CCDC141: variants seen among roughly 807,000 people sequenced by gnomAD.
CCDC141 encodes the protein coiled-coil domain containing 141, also known as coiled-coil domain-containing protein 141.
CCDC141 carries 168 observed loss-of-function variants against 181.0 expected under a neutral mutation model. That is an observed-to-expected ratio of 0.93 (90% CI 0.82 to 1.05). The LOEUF (loss-of-function observed/expected upper bound fraction) is 1.05, where lower values mean the gene tolerates loss of function less well. CCDC141 is among the 50% of genes least tolerant of loss of function. The probability of loss-of-function intolerance (pLI) is 0.00; values close to 1 mark genes in which losing one functional copy is unlikely to be tolerated. For synonymous variants in CCDC141, 666 were observed against 642.3 expected (o/e 1.04, Z -0.56); for missense variants, 1,902 against 1,788.5 (o/e 1.06, Z -1.14).
At chr2:178,835,355 C>T (rs891841459) in intron 23 of CCDC141, among the ~76,000 whole-genome samples, 27 of 152,150 alleles carry the variant, frequency 1.8e-4, no homozygotes, top group Non-Finnish European at 3.7e-4. Flanking sequence ...TGTATTATGA[C>T]TATTAATAAC....
intron 5 of CCDC141, among the ~76,000 whole-genome samples, chr2:178,953,211 C>T (rs1478858906): frequency 6.6e-6 from 1 of 152,020 alleles, no homozygotes; most frequent in Non-Finnish European, 1.5e-5. Flanking sequence ...CCGAGGCAGG[C>T]GGATCACAAT....
chr2:178,817,989 G>T, the CCDC141 span, among the ~76,000 whole-genome samples: 1 of 152,116 alleles, frequency 6.6e-6, no homozygotes, highest in South Asian at 2.1e-4. Flanking sequence ...TTTTAGTAGA[G>T]ACGAGATTTC....
chr2:178,897,774 T>C (rs1235157561), intron 8 of CCDC141, among the ~76,000 whole-genome samples: 1 of 152,208 alleles, frequency 6.6e-6, no homozygotes, highest in Non-Finnish European at 1.5e-5. Context: ...TTTTGAGCTC[T>C]GAATTGGTAA....
chr2:179,011,808 G>A (rs538755148), intron 2 of CCDC141, among the ~76,000 whole-genome samples: 5 of 152,014 alleles, frequency 3.3e-5, no homozygotes, highest in Admixed American at 6.6e-5. Context: ...ACTGGAAATC[G>A]ACTCCAAAAG....
At chr2:178,926,303 T>C (rs545382557) in intron 6 of CCDC141, among the ~76,000 whole-genome samples, 2 of 152,314 alleles carry the variant, frequency 1.3e-5, no homozygotes, top group East Asian at 3.9e-4. Context: ...AATTGATATA[T>C]AATTATACCA....
intron 2 of CCDC141, among the ~76,000 whole-genome samples, chr2:179,015,190 T>G: frequency 1.5e-5 from 1 of 65,330 alleles, no homozygotes; most frequent in Non-Finnish European, 3.3e-5. Context: ...ATACATCTCA[T>G]CTCATAAATA....
chr2:178,961,417 A>C lies in CCDC141; in HGVS notation c.593T>G (p.Phe198Cys). Reference sequence around the variant, plus strand: ...ATTCACATTAGGTCCTTCACACTTGAATTTTTCTATGAAGTCAGTGAGTTG... The same window carrying C: ...ATTCACATTAGGTCCTTCACACTTGCATTTTTCTATGAAGTCAGTGAGTTG... ...SQQLTDFIEKFKCEGPNVNPE... is the reference protein window; with the variant it reads ...SQQLTDFIEKCKCEGPNVNPE... The change falls in exon 5 of 24, where the codon TTC becomes TGC. Residue 198 changes from phenylalanine (F) to cysteine (C), a missense_variant. Coordinates refer to ENST00000443758, the MANE Select transcript of CCDC141 (RefSeq NM_173648.4). The C allele has an allele frequency of 6.4e-7, 1 of 1,550,502 alleles. No homozygotes were observed. The highest frequency in any genetic ancestry group is 8.7e-7 in the Non-Finnish European group (1 of 1,146,914).
Position 179,047,395 on chromosome 2 carries a change from C to G in CCDC141, c.114G>C (p.Trp38Cys), listed in dbSNP as rs868402123. Residue 38 changes from tryptophan (W) to cysteine (C), a missense_variant, in exon 2 of 24, where the codon TGG becomes TGC. Trp to Cys is a radical substitution (Grantham distance 215). Transcript: ENST00000443758. ...IVIAVIKCGKWVQLQLAESQP... is the reference protein window; with the variant it reads ...IVIAVIKCGKCVQLQLAESQP... ...GTGATTCAGCCAGTTGAAGTTGTAC[C>G]CATTTGCCACACTAAAAATAAAAAT... 3 of 1,509,208 alleles carry G rather than the reference C, an allele frequency of 2.0e-6. No individual in the cohort carries two copies. The Admixed American group carries it at 7.4e-5, about 37-fold the overall frequency. 93.5% of individuals were successfully genotyped at this position (1,509,208 alleles called of 1,614,324 possible).
At chr2:178,961,753 T>C (rs1184696891) in intron 4 of CCDC141, among the ~76,000 whole-genome samples, 1 of 152,060 alleles carries the variant, frequency 6.6e-6, no homozygotes, top group Non-Finnish European at 1.5e-5. Flanking sequence ...GGACAGGGAG[T>C]AGAATGAGCG....
At position 178,850,180 on chromosome 2, in the gene CCDC141, A is replaced by T. The variant is rs1370213209; in HGVS notation, c.3245-19T>A. On this transcript the variant is annotated intron_variant, in intron 20 of 23. Coordinates refer to ENST00000443758, the MANE Select transcript of CCDC141 (RefSeq NM_173648.4). The stretch of plus-strand genomic sequence containing the variant: ...TCCAAACCTGGGGAGGAGAAGGATG[A>T]AACTAGTTTTAAAGGTCAAATTTTT... The T allele has an allele frequency of 7.2e-7, 1 of 1,392,608 alleles. No homozygotes were observed. 86.3% of individuals were successfully genotyped at this position (1,392,608 alleles called of 1,614,324 possible). A position where few individuals can be genotyped will look rare whatever the true frequency, so the allele number is the denominator to read the frequency against.
chr2:178,890,543 C>G (rs191100602), intron 8 of CCDC141, among the ~76,000 whole-genome samples: 1,795 of 152,246 alleles, frequency 0.012, 14 homozygotes, highest in Middle Eastern at 0.024. Context: ...TAGCCAGCTT[C>G]TTGCAGTTAT....
downstream of CCDC141, among the ~76,000 whole-genome samples, chr2:178,827,073 C>T (rs938456012): frequency 6.6e-6 from 1 of 152,032 alleles, no homozygotes; most frequent in African/African-American, 2.4e-5. Flanking sequence ...TCATATTTTT[C>T]AAAATATCTA....
chr2:178,904,158 A>G (rs905732465), intron 8 of CCDC141, among the ~76,000 whole-genome samples: 2 of 152,202 alleles, frequency 1.3e-5, no homozygotes, highest in Non-Finnish European at 2.9e-5. Flanking sequence ...CACCCCTATT[A>G]CCTAATGCAC....
chr2:179,045,433 T>C (rs1342953415), intron 2 of CCDC141, among the ~76,000 whole-genome samples: 2 of 151,952 alleles, frequency 1.3e-5, no homozygotes, highest in Non-Finnish European at 2.9e-5. Context: ...TTGGGTTGGC[T>C]CCAAGTCTTT....
intron 1 of CCDC141, 107 bp downstream of exon 1, chr2:179,049,733 G>T (rs1575392673): frequency 5.7e-6 from 7 of 1,223,292 alleles, no homozygotes; most frequent in East Asian, 2.6e-5. Context: ...TTGCTGCGTT[G>T]TCTTCTCTAT....
chr2:178,899,054 CT>C (rs760747462), intron 8 of CCDC141, among the ~76,000 whole-genome samples: 2 of 152,134 alleles, frequency 1.3e-5, no homozygotes, highest in Non-Finnish European at 2.9e-5. Context: ...CAGTTATACA[CT>C]GTATAACATT....
intron 2 of CCDC141, among the ~76,000 whole-genome samples, chr2:179,015,282 C>CATATA (rs2042442218): frequency 5.0e-5 from 1 of 20,022 alleles, no homozygotes; most frequent in Non-Finnish European, 2.1e-4. Flanking sequence ...TCTCATCTAT[C>CATATA]TCTCATATAT....
In CCDC141 at chr2:178,833,029, C is replaced by T. The variant is rs189904521; in HGVS notation, c.*1144G>A. On this transcript the variant is annotated 3_prime_UTR_variant, in exon 24 of 24. Coordinates refer to ENST00000443758, the MANE Select transcript of CCDC141 (RefSeq NM_173648.4). ...CCCTAGAACAAACAAAATGTATCCT[C>T]CTGAGTTTAATTTCAAGTCTTTGAA... The T allele has an allele frequency of 1.1e-4, 17 of 152,212 alleles. No individual in the cohort carries two copies. The highest frequency in any genetic ancestry group is 1.8e-4 in the Non-Finnish European group (12 of 67,998). The allele number at this position is 152,212 out of a possible 1,614,324, so 9.4% of individuals were successfully genotyped here.
intron 2 of CCDC141, among the ~76,000 whole-genome samples, chr2:179,023,799 G>A (rs1302350574): frequency 6.6e-6 from 1 of 152,224 alleles, no homozygotes; most frequent in Non-Finnish European, 1.5e-5. Context: ...GGTGCCAAGT[G>A]CAAATGGCCC....
Sources: allele counts gnomAD v4.1 joint callset (sites outside exome capture counted in the v4.1 genomes callset), GRCh38; gene constraint gnomAD v4.1.1; transcripts MANE v1.5; gene names NCBI Gene and HGNC (gene_info 2026-07-23, HGNC 2026-07-21).